THSD7B: variants seen among roughly 807,000 people sequenced by gnomAD.
The protein encoded by THSD7B is thrombospondin type 1 domain containing 7B.
In THSD7B, 138 loss-of-function variants were observed where a neutral mutation model predicts 213.6. That is an observed-to-expected ratio of 0.65 (90% CI 0.56 to 0.74). The LOEUF is 0.74. THSD7B is among the 30% of genes least tolerant of loss of function. The pLI is 0.00. For missense variants in THSD7B, 1,931 were observed against 1,991.5 expected (o/e 0.97, Z 0.58); for synonymous variants, 742 against 687.0 (o/e 1.08, Z -1.25).
chr2:137,035,529 G>T (rs1686759060), intron 2 of THSD7B, among the ~76,000 whole-genome samples: 1 of 151,870 alleles, frequency 6.6e-6, no homozygotes, highest in Non-Finnish European at 1.5e-5. Flanking sequence ...AGTTTCAAGG[G>T]AGTGGAAAGG....
At chr2:137,560,867 T>A (rs191721940) in intron 15 of THSD7B, among the ~76,000 whole-genome samples, 1 of 152,246 alleles carries the variant, frequency 6.6e-6, no homozygotes, top group Admixed American at 6.5e-5. Context: ...ATTATCTGGC[T>A]TAAAGCTGGG....
intron 7 of THSD7B, among the ~76,000 whole-genome samples, chr2:137,199,133 G>A (rs1398399758): frequency 2.0e-5 from 3 of 152,140 alleles, no homozygotes; most frequent in Non-Finnish European, 2.9e-5. Flanking sequence ...TTCTACAAGC[G>A]AGTCCTATTA....
intron 7 of THSD7B, among the ~76,000 whole-genome samples, chr2:137,204,412 G>T (rs1680941327): frequency 6.6e-6 from 1 of 152,034 alleles, no homozygotes; most frequent in Non-Finnish European, 1.5e-5. Flanking sequence ...CATATATTCT[G>T]TGTCACAGTG....
At chr2:137,425,256 G>C (rs1368446857) in intron 14 of THSD7B, among the ~76,000 whole-genome samples, 1 of 151,376 alleles carries the variant, frequency 6.6e-6, no homozygotes, top group Non-Finnish European at 1.5e-5. Context: ...TTGCTCTGTT[G>C]CTGGGCCTGG....
intron 17 of THSD7B, among the ~76,000 whole-genome samples, chr2:137,601,860 G>T (rs1187966823): frequency 9.2e-5 from 14 of 152,176 alleles, no homozygotes; most frequent in Admixed American, 9.2e-4. Flanking sequence ...TTGAAACTGA[G>T]CCTCATTCAG....
intron 7 of THSD7B, among the ~76,000 whole-genome samples, chr2:137,182,572 T>C (rs1259885107): frequency 6.6e-6 from 1 of 152,164 alleles, no homozygotes; most frequent in African/African-American, 2.4e-5. Context: ...CCTTGTATGT[T>C]TCCGCATCCT....
At chr2:137,242,126 G>T (rs1466405184) in intron 9 of THSD7B, among the ~76,000 whole-genome samples, 1 of 152,052 alleles carries the variant, frequency 6.6e-6, no homozygotes, top group Non-Finnish European at 1.5e-5. Flanking sequence ...TAATATTTCA[G>T]TTTTTTCCTT....
At chr2:136,927,111 C>T (rs1684546985) in intron 2 of THSD7B, among the ~76,000 whole-genome samples, 1 of 151,824 alleles carries the variant, frequency 6.6e-6, no homozygotes, top group Non-Finnish European at 1.5e-5. Context: ...ATTCTGTCTT[C>T]TATCACATAC....
At chr2:137,421,857 AG>A (rs1686937172) in intron 14 of THSD7B, among the ~76,000 whole-genome samples, 1 of 152,224 alleles carries the variant, frequency 6.6e-6, no homozygotes, top group South Asian at 2.1e-4. Context: ...GGGAGTTATA[AG>A]CCAGGAAACC....
At chr2:137,438,418 C>A (rs1169745823) in intron 14 of THSD7B, among the ~76,000 whole-genome samples, 1 of 152,112 alleles carries the variant, frequency 6.6e-6, no homozygotes, top group Non-Finnish European at 1.5e-5. Context: ...CATTTGATAG[C>A]ATTTTCTATA....
intron 12 of THSD7B, among the ~76,000 whole-genome samples, chr2:137,318,008 A>G (rs1439468361): frequency 1.3e-5 from 2 of 152,164 alleles, no homozygotes; most frequent in Non-Finnish European, 2.9e-5. Context: ...ACTCCATATT[A>G]GTTACATCAT....
intron 5 of THSD7B, among the ~76,000 whole-genome samples, chr2:137,155,297 G>A (rs1679891690): frequency 6.6e-6 from 1 of 152,172 alleles, no homozygotes; most frequent in Admixed American, 6.6e-5. Context: ...CAGTTGGTCA[G>A]CCTAGGAATG....
intron 2 of THSD7B, among the ~76,000 whole-genome samples, chr2:136,928,991 A>T (rs1038863283): frequency 6.6e-6 from 1 of 152,216 alleles, no homozygotes; most frequent in Non-Finnish European, 1.5e-5. Flanking sequence ...TGAAATTTGA[A>T]GATGAGATTT....
chr2:137,041,563 T>C (rs1332509863), intron 2 of THSD7B, among the ~76,000 whole-genome samples: 1 of 150,428 alleles, frequency 6.6e-6, no homozygotes, highest in Non-Finnish European at 1.5e-5. Flanking sequence ...ACATAACACA[T>C]ATATACTAAC....
chr2:137,170,728 T>TC lies in THSD7B; in HGVS notation c.1526-12dup. 6.2e-7 allele frequency: 1 copy of TC among 1,600,036 alleles called. No individual in the cohort carries two copies. The highest frequency in any genetic ancestry group is 8.5e-7 in the Non-Finnish European group (1 of 1,171,850). ...GTGGAATTCTCTGAAAATTCTTTTCTCTCTCTTTTTAGGATTTAGAACGAG... is the reference window on the plus strand; with the variant it reads ...GTGGAATTCTCTGAAAATTCTTTTCTCCTCTCTTTTTAGGATTTAGAACGAG... On this transcript the variant is annotated splice_polypyrimidine_tract_variant and intron_variant, in intron 6 of 27. Transcript: ENST00000409968.
chr2:136,950,328 C>T (rs963598902), intron 2 of THSD7B, among the ~76,000 whole-genome samples: 1 of 151,918 alleles, frequency 6.6e-6, no homozygotes, highest in African/African-American at 2.4e-5. Context: ...AATGAACACA[C>T]CCTAGATGAC....
rs1288363896 is a variant in THSD7B at position 137,233,146 on chromosome 2, C to A, written c.2150+13C>A. 5 of 1,600,234 alleles carry A rather than the reference C, an allele frequency of 3.1e-6. No individual in the cohort carries two copies. The highest frequency in any genetic ancestry group is 4.3e-6 in the Non-Finnish European group (5 of 1,171,024). On this transcript the variant is annotated intron_variant, in intron 9 of 27. Transcript: ENST00000409968. ...TAATGACCAAAAGGTATTTATTAGGCTGTTACTGAAAATGCATTTGCTTAT... is the reference window on the plus strand; with the variant it reads ...TAATGACCAAAAGGTATTTATTAGGATGTTACTGAAAATGCATTTGCTTAT...
intron 1 of THSD7B, among the ~76,000 whole-genome samples, chr2:136,827,386 G>T (rs1461177096): frequency 6.6e-6 from 1 of 152,154 alleles, no homozygotes; most frequent in East Asian, 1.9e-4. Context: ...AAGTTTGTAT[G>T]GTCTTAAGCA....
At chr2:137,405,948 C>T (rs1356784953) in intron 13 of THSD7B, 141 bp downstream of exon 13, 3 of 657,250 alleles carry the variant, frequency 4.6e-6, no homozygotes, top group Non-Finnish European at 7.5e-6. Flanking sequence ...TCCTCAAACT[C>T]AGAACAATGC....
Sources: gnomAD v4.1 joint callset for allele counts (sites outside exome capture counted in the v4.1 genomes callset) on GRCh38, gnomAD v4.1.1 for gene constraint, MANE v1.5 for transcripts, NCBI Gene and HGNC (gene_info 2026-07-23, HGNC 2026-07-21) for gene names.